The following ICE2 variants were observed in gnomAD, a reference collection of about 807,000 sequenced individuals.
ICE2 encodes interactor of little elongation complex ELL subunit 2, also known as little elongation complex subunit 2.
Under a neutral mutation model 105.4 loss-of-function variants are expected in ICE2, and 87 were observed. That is an observed-to-expected ratio of 0.83 (90% CI 0.69 to 0.99). The LOEUF (loss-of-function observed/expected upper bound fraction) is 0.99. Ranked by LOEUF, ICE2 falls within the 50% of genes least tolerant of loss-of-function variation. The probability of loss-of-function intolerance (pLI) is 0.00; values close to 1 mark genes in which losing one functional copy is unlikely to be tolerated. For synonymous variants in ICE2, 399 were observed against 392.0 expected (o/e 1.02, Z -0.21); for missense variants, 1,323 against 1,146.7 (o/e 1.15, Z -2.22).
At chr15:60,436,455 AAT>A (rs549751744) in intron 12 of ICE2, among the ~76,000 whole-genome samples, 103 of 152,316 alleles carry the variant, frequency 6.8e-4, no homozygotes, top group Admixed American at 1.6e-3. Flanking sequence ...ATATTTGCTG[AAT>A]ATATGTTTAC....
chr15:60,434,687 A>G (rs1478033650), intron 13 of ICE2, among the ~76,000 whole-genome samples: 1 of 152,220 alleles, frequency 6.6e-6, no homozygotes, highest in Admixed American at 6.5e-5. Flanking sequence ...GCTTTCAATC[A>G]TATGTAGAAG....
chr15:60,462,591 A>T (rs1595804729), intron 5 of ICE2, among the ~76,000 whole-genome samples: 1 of 152,226 alleles, frequency 6.6e-6, no homozygotes, highest in East Asian at 1.9e-4. Flanking sequence ...AAACTGCAAC[A>T]TACATAGCCC....
intron 9 of ICE2, among the ~76,000 whole-genome samples, chr15:60,450,595 G>T (rs530324483): frequency 6.6e-6 from 1 of 152,134 alleles, no homozygotes; most frequent in Admixed American, 6.5e-5. Context: ...TTCATAACTG[G>T]TTATGTACAT....
intron 7 of ICE2, 76 bp downstream of exon 7, chr15:60,455,249 TG>T: frequency 6.5e-7 from 1 of 1,531,978 alleles, no homozygotes; most frequent in South Asian, 1.2e-5. Flanking sequence ...AAGGGGACTT[TG>T]GGACAATCGG....
intron 13 of ICE2, among the ~76,000 whole-genome samples, chr15:60,434,534 CACACACACACACACACACA>C (rs2063538737): frequency 2.6e-5 from 1 of 38,428 alleles, no homozygotes; most frequent in Admixed American, 3.9e-4. Context: ...CACACACACA[CACACACACACACACACACA>C]CACACACACA....
intron 15 of ICE2, among the ~76,000 whole-genome samples, chr15:60,425,948 C>G (rs2063330598): frequency 1.3e-5 from 2 of 152,162 alleles, no homozygotes; most frequent in African/African-American, 4.8e-5. Flanking sequence ...AAACTTTCCA[C>G]TGGCTTTCAA....
In ICE2 at chr15:60,420,093, A is replaced by G. The variant is rs1405183334; in HGVS notation, c.*3541T>C. On this transcript the variant is annotated 3_prime_UTR_variant, in exon 16 of 16. Coordinates refer to ENST00000261520, the MANE Select transcript of ICE2 (RefSeq NM_024611.6). ...TAAGTTTTGGGATAATTTATTATTC[A>G]GCAAATTGGTTATAACCAATATAGC... The G allele has an allele frequency of 1.3e-5, 2 of 152,204 alleles. No homozygotes were observed. The highest frequency in any genetic ancestry group is 2.9e-5 in the Non-Finnish European group (2 of 68,034). 9.4% of individuals were successfully genotyped at this position (152,204 alleles called of 1,614,324 possible).
At chr15:60,427,347 C>CATT (rs1432452207) in intron 15 of ICE2, among the ~76,000 whole-genome samples, 2 of 152,164 alleles carry the variant, frequency 1.3e-5, no homozygotes, top group African/African-American at 2.4e-5. Flanking sequence ...AGACTTTTGG[C>CATT]AGTAAGTAAG....
At position 60,453,322 on chromosome 15, in the gene ICE2, A is replaced by C. The variant is rs2141079248; in HGVS notation, c.1125+281T>G. On this transcript the variant is annotated intron_variant, in intron 9 of 15. Coordinates refer to ENST00000261520, the MANE Select transcript of ICE2 (RefSeq NM_024611.6). Reference sequence around the variant, plus strand: ...TCAAGGAGTTTTCACTACATACATAACTAAAAACGTGCTCAGCCTTTAACA... The same window carrying C: ...TCAAGGAGTTTTCACTACATACATACCTAAAAACGTGCTCAGCCTTTAACA... 4.3e-6 allele frequency: 5 copies of C among 1,167,506 alleles called. No individual in the cohort carries two copies. The South Asian group carries it at 1.2e-4, about 28-fold the overall frequency. The allele number at this position is 1,167,506 out of a possible 1,614,324, so 72.3% of individuals were successfully genotyped here.
Position 60,468,294 on chromosome 15 carries a change from C to T in ICE2, c.175G>A (p.Ala59Thr). 1 of 1,608,282 alleles carries T rather than the reference C, an allele frequency of 6.2e-7. No individual in the cohort carries two copies. Residue 59 changes from alanine (A) to threonine (T), a missense_variant, in exon 4 of 16, where the codon GCA (alanine) becomes ACA (threonine). Transcript: ENST00000261520. ...GCCGGCTCATTTTCTACAGAACTTG[C>T]TGAGGCATTCAAATTTTCTCCTATA... ...RRIGENLNAS[A>T]SSVENEPAVS... is the part of the protein sequence containing the mutation.
In ICE2 at chr15:60,479,068, T is replaced by C. The variant is rs2064859944; in HGVS notation, c.-158A>G. The C allele has an allele frequency of 4.4e-6, 2 of 452,198 alleles. No individual in the cohort carries two copies. Among genetic ancestry groups the C allele is most frequent in the Non-Finnish European group, 8.9e-6 (2 of 224,232 alleles). 28.0% of individuals were successfully genotyped at this position (452,198 alleles called of 1,614,324 possible). On this transcript the variant is annotated 5_prime_UTR_variant, in exon 1 of 16. It removes the in-frame stop codon of an upstream open reading frame in the 5' UTR. Transcript: ENST00000261520. ...CACCACACACGCTCCACCCCACTCC[T>C]CACATTGTCGCGCGCGCCCAAAAAA...
intron 3 of ICE2, among the ~76,000 whole-genome samples, chr15:60,473,444 C>T (rs569410908): frequency 2.0e-5 from 3 of 152,180 alleles, no homozygotes; most frequent in African/African-American, 7.2e-5. Flanking sequence ...AGGCACACAA[C>T]CACCACACCT....
chr15:60,465,354 T>A (rs1469498009), intron 5 of ICE2, among the ~76,000 whole-genome samples: 1 of 152,186 alleles, frequency 6.6e-6, no homozygotes, highest in Non-Finnish European at 1.5e-5. Context: ...CATGCCACCA[T>A]GCCAGATAAT....
At position 60,476,121 on chromosome 15, in the gene ICE2, T is replaced by G. The variant is rs372175361; in HGVS notation, c.88A>C (p.Asn30His). 3.1e-6 allele frequency: 5 copies of G among 1,608,288 alleles called. No individual in the cohort carries two copies. The highest frequency in any genetic ancestry group is 4.2e-6 in the Non-Finnish European group (5 of 1,178,126). The change falls in exon 3 of 16, where the codon AAT becomes CAT. Residue 30 changes from asparagine (N) to histidine (H), a missense_variant. Transcript: ENST00000261520. ...NGLKTFFSRE[N>H]YKDHSMAPSL... The stretch of plus-strand genomic sequence containing the variant: ...GGAGCCATGGAATGATCTTTATAAT[T>G]TTCTCGAGAGAAAAATGTCTTAAGG...
intron 13 of ICE2, among the ~76,000 whole-genome samples, 197 bp from the exon 14 acceptor site, chr15:60,432,181 C>CTTTTTTT (rs35081421): frequency 9.0e-6 from 1 of 110,646 alleles, no homozygotes; most frequent in Non-Finnish European, 1.8e-5. Context: ...AAAAAATTTC[C>CTTTTTTT]TTTTTTTTTT....
intron 11 of ICE2, chr15:60,445,626 C>A (rs2063806688): frequency 1.0e-6 from 1 of 980,150 alleles, no homozygotes; most frequent in South Asian, 4.7e-5. Context: ...AATGAATTTT[C>A]TTCTATAAGG....
chr15:60,474,236 C>T (rs896235773), intron 3 of ICE2, among the ~76,000 whole-genome samples: 22 of 152,018 alleles, frequency 1.4e-4, no homozygotes, highest in Admixed American at 9.2e-4. Context: ...CTTGTTTTTA[C>T]GTAAACTTAC....
intron 9 of ICE2, 139 bp downstream of exon 9, chr15:60,453,464 T>C (rs1457102951): frequency 7.0e-7 from 1 of 1,426,046 alleles, no homozygotes; most frequent in African/African-American, 1.4e-5. Flanking sequence ...AAAGTCCAGC[T>C]AGACTCGAAA....
Position 60,419,707 on chromosome 15 carries a change from A to C in ICE2, c.*3927T>G, listed in dbSNP as rs1317510714. Reference sequence around the variant, plus strand: ...TTAAGGTTTGATTAAAAACTACTACATACCAAACAAAAAAACAGAACAAAA... The same window carrying C: ...TTAAGGTTTGATTAAAAACTACTACCTACCAAACAAAAAAACAGAACAAAA... On this transcript the variant is annotated 3_prime_UTR_variant, in exon 16 of 16. Transcript: ENST00000261520. 1 of 144,418 alleles carries C rather than the reference A, an allele frequency of 6.9e-6. No homozygotes were observed. Among genetic ancestry groups the C allele is most frequent in the Non-Finnish European group, 1.5e-5 (1 of 65,222 alleles). 8.9% of individuals were successfully genotyped at this position (144,418 alleles called of 1,614,324 possible). A position where few individuals can be genotyped will look rare whatever the true frequency, so the allele number is the denominator to read the frequency against.
Sources: gnomAD v4.1 joint callset for allele counts (sites outside exome capture counted in the v4.1 genomes callset) on GRCh38, gnomAD v4.1.1 for gene constraint, MANE v1.5 for transcripts, NCBI Gene and HGNC (gene_info 2026-07-23, HGNC 2026-07-21) for gene names.